The following CGRRF1 variants were observed in gnomAD, a reference collection of about 807,000 sequenced individuals.
CGRRF1 encodes cell growth regulator with ring finger domain 1, also known as cell growth regulator with RING finger domain protein 1.
CGRRF1 carries 32 observed loss-of-function variants against 37.2 expected under a neutral mutation model. That is an observed-to-expected ratio of 0.86 (90% CI 0.65 to 1.16). The LOEUF (loss-of-function observed/expected upper bound fraction) is 1.16. Ranked by LOEUF, CGRRF1 falls within the 50% of genes most tolerant of loss-of-function variation. The probability of loss-of-function intolerance (pLI) is 0.00; values close to 1 mark genes in which losing one functional copy is unlikely to be tolerated. For synonymous variants in CGRRF1, 141 were observed against 140.3 expected, an observed-to-expected ratio of 1.00 and a Z score of -0.04; for missense variants, 391 against 382.6, an observed-to-expected ratio of 1.02 and a Z score of -0.18.
rs1321021956 is a variant in CGRRF1, at chr14:54,538,700, T to G, written c.*317T>G. Reference sequence around the variant, plus strand: ...TCTGAAAGGCAATCCATTGAAAATTTGAGGAGGTTAAATTCTTAAGATCAC... The same window carrying G: ...TCTGAAAGGCAATCCATTGAAAATTGGAGGAGGTTAAATTCTTAAGATCAC... On this transcript the variant is annotated 3_prime_UTR_variant, in exon 6 of 6. Coordinates refer to ENST00000216420, the MANE Select transcript of CGRRF1 (RefSeq NM_006568.3). The G allele has an allele frequency of 1.5e-5, 3 of 195,348 alleles. No individual in the cohort carries two copies. Among genetic ancestry groups the G allele is most frequent in the Non-Finnish European group, 3.2e-5 (3 of 95,006 alleles). 12.1% of individuals were successfully genotyped at this position (195,348 alleles called of 1,614,324 possible). A position where few individuals can be genotyped will look rare whatever the true frequency, so the allele number is the denominator to read the frequency against.
rs1372701868 is a variant in CGRRF1 at position 54,531,069 on chromosome 14, T to C, written c.570+19T>C. On this transcript the variant is annotated intron_variant, in intron 4 of 5. Coordinates refer to ENST00000216420, the MANE Select transcript of CGRRF1 (RefSeq NM_006568.3). ...TGATATTGTAAGTAATTGAAAATTT[T>C]GAAAGCATTACCTTTAAGTGATTTG... 6 of 1,577,096 alleles carry C rather than the reference T, an allele frequency of 3.8e-6. No homozygotes were observed. In the Admixed American group the frequency reaches 7.2e-5, roughly 19 times the overall value.
intron 1 of CGRRF1, among the ~76,000 whole-genome samples, chr14:54,519,092 A>G (rs2032269029): frequency 6.6e-6 from 1 of 151,930 alleles, no homozygotes; most frequent in Non-Finnish European, 1.5e-5. Context: ...ACAGGCATGC[A>G]CCACCATGCC....
chr14:54,510,152 C>T, intron 1 of CGRRF1, 89 bp downstream of exon 1: 4 of 968,928 alleles, frequency 4.1e-6, no homozygotes, highest in Non-Finnish European at 3.2e-6. Context: ...GCCGGAGGGC[C>T]GCGGGCCGGA....
intron 1 of CGRRF1, among the ~76,000 whole-genome samples, chr14:54,515,702 A>T (rs192460488): frequency 2.1e-3 from 326 of 152,278 alleles, no homozygotes; most frequent in Non-Finnish European, 3.5e-3. Context: ...TTGCTCTGAG[A>T]TCTACTTTGT....
chr14:54,516,491 A>G (rs1354255103), intron 1 of CGRRF1, among the ~76,000 whole-genome samples: 1 of 152,152 alleles, frequency 6.6e-6, no homozygotes, highest in Non-Finnish European at 1.5e-5. Context: ...TAATATTAAA[A>G]AGCTACTGAC....
intron 4 of CGRRF1, chr14:54,537,028 T>A (rs369971828): frequency 6.6e-6 from 1 of 152,122 alleles, no homozygotes; most frequent in East Asian, 1.9e-4. Context: ...TGCATCTAAT[T>A]ATATATTTTT....
intron 1 of CGRRF1, among the ~76,000 whole-genome samples, chr14:54,513,566 TTTATGTTATGTTATGTTATGTTATG>T (rs150170270): frequency 8.9e-5 from 13 of 146,556 alleles, no homozygotes; most frequent in East Asian, 2.1e-4. Flanking sequence ...TGGACACAGT[TTTATGTTATGTTATGTTATGTTATG>T]TTATGTTATG....
intron 2 of CGRRF1, among the ~76,000 whole-genome samples, chr14:54,527,214 T>C (rs2032427143): frequency 1.3e-5 from 2 of 151,632 alleles, no homozygotes; most frequent in Non-Finnish European, 2.9e-5. Context: ...TGAAACTCTT[T>C]GCAAAAAAAA....
intron 1 of CGRRF1, among the ~76,000 whole-genome samples, 174 bp from the exon 2 acceptor site, chr14:54,522,280 G>T (rs1341784552): frequency 2.6e-5 from 4 of 151,976 alleles, no homozygotes; most frequent in African/African-American, 9.7e-5. Context: ...TCATACAGAG[G>T]GCCAACTGTT....
intron 1 of CGRRF1, 37 bp from the exon 2 acceptor site, chr14:54,522,417 T>G: frequency 7.2e-7 from 1 of 1,381,584 alleles, no homozygotes. Context: ...GTTTCAACAT[T>G]TGTTAAAATA....
chr14:54,533,834 A>T (rs1035364661), intron 4 of CGRRF1, among the ~76,000 whole-genome samples: 7 of 152,186 alleles, frequency 4.6e-5, no homozygotes, highest in African/African-American at 1.4e-4. Context: ...CATTTGTGGC[A>T]GGAAAAAAAA....
chr14:54,511,793 G>A (rs1466882741), intron 1 of CGRRF1, among the ~76,000 whole-genome samples: 1 of 152,138 alleles, frequency 6.6e-6, no homozygotes, highest in African/African-American at 2.4e-5. Flanking sequence ...TTACAAGAGT[G>A]GAAGCCCATG....
chr14:54,534,551 T>G (rs1281384912), intron 4 of CGRRF1, among the ~76,000 whole-genome samples: 2 of 152,166 alleles, frequency 1.3e-5, no homozygotes, highest in African/African-American at 2.4e-5. Flanking sequence ...GAATATTGTG[T>G]TTTTGCAACT....
At chr14:54,512,087 C>G (rs1273360024) in intron 1 of CGRRF1, among the ~76,000 whole-genome samples, 1 of 152,240 alleles carries the variant, frequency 6.6e-6, no homozygotes, top group East Asian at 1.9e-4. Flanking sequence ...GTACCCCAGT[C>G]AGAAGGGTAA....
intron 1 of CGRRF1, among the ~76,000 whole-genome samples, chr14:54,515,090 G>GTTTTT (rs935043483): frequency 8.1e-6 from 1 of 124,180 alleles, no homozygotes; most frequent in African/African-American, 3.0e-5. Context: ...TGAGTTTTTT[G>GTTTTT]TTTTTTTTTT....
At position 54,509,926 on chromosome 14, in the gene CGRRF1, G is replaced by C; in HGVS notation, c.-34G>C. Reference sequence around the variant, plus strand: ...CAGCCGGGCTGGGCTGGGCTCCGCGGCTGGAGCCGGGCTCTACCCAGAGCA... The same window carrying C: ...CAGCCGGGCTGGGCTGGGCTCCGCGCCTGGAGCCGGGCTCTACCCAGAGCA... On this transcript the variant is annotated 5_prime_UTR_variant, in exon 1 of 6. Transcript: ENST00000216420. 1 of 1,527,782 alleles carries C rather than the reference G, an allele frequency of 6.5e-7. No homozygotes were observed. Among genetic ancestry groups the C allele is most frequent in the South Asian group, 1.1e-5 (1 of 89,236 alleles). 94.6% of individuals were successfully genotyped at this position (1,527,782 alleles called of 1,614,324 possible). A position where few individuals can be genotyped will look rare whatever the true frequency, so the allele number is the denominator to read the frequency against.
At chr14:54,526,226 T>A (rs2032410171) in intron 2 of CGRRF1, among the ~76,000 whole-genome samples, 3 of 145,370 alleles carry the variant, frequency 2.1e-5, no homozygotes. Flanking sequence ...CTTGGCTCAC[T>A]GCAACGTCTG....
At position 54,530,151 on chromosome 14, in the gene CGRRF1, A is replaced by G; in HGVS notation, c.347A>G (p.Tyr116Cys). The change falls in exon 3 of 6, where the codon TAT becomes TGT. Residue 116 changes from tyrosine (Y) to cysteine (C), a missense_variant. Tyr to Cys is a radical substitution (Grantham distance 194, BLOSUM62 -2). Coordinates refer to ENST00000216420, the MANE Select transcript of CGRRF1 (RefSeq NM_006568.3). ...KLYEALQKHV[Y>C]CFRISTPQAL... is the part of the protein sequence containing the mutation. ...TATGAAGCTCTGCAGAAGCATGTTTATTGCTTCAGAATAAGCACTCCCCAA... is the reference window on the plus strand; with the variant it reads ...TATGAAGCTCTGCAGAAGCATGTTTGTTGCTTCAGAATAAGCACTCCCCAA... 6.2e-7 allele frequency: 1 copy of G among 1,612,656 alleles called. No homozygotes were observed. Among genetic ancestry groups the G allele is most frequent in the Non-Finnish European group, 8.5e-7 (1 of 1,178,710 alleles).
At chr14:54,512,584 T>G (rs915600611) in intron 1 of CGRRF1, among the ~76,000 whole-genome samples, 1 of 152,194 alleles carries the variant, frequency 6.6e-6, no homozygotes, top group African/African-American at 2.4e-5. Flanking sequence ...AAACTACATT[T>G]CTTCTTTGCA....
Sources: allele counts gnomAD v4.1 joint callset (sites outside exome capture counted in the v4.1 genomes callset), GRCh38; gene constraint gnomAD v4.1.1; transcripts MANE v1.5; gene names NCBI Gene and HGNC (gene_info 2026-07-23, HGNC 2026-07-21).